The following PRKX variants were observed in gnomAD, a reference collection of about 807,000 sequenced individuals.
PRKX encodes the protein cAMP-dependent protein kinase catalytic subunit PRKX.
PRKX carries 12 observed loss-of-function variants against 22.0 expected under a neutral mutation model. That is an observed-to-expected ratio of 0.54 (90% CI 0.35 to 0.88). PRKX has a LOEUF of 0.88. Among genes scored for constraint, PRKX ranks in the 40% least tolerant of loss-of-function variants. PRKX has a pLI of 0.01. For missense variants in PRKX, 217 were observed against 308.0 expected (o/e 0.70, Z 2.21); for synonymous variants, 134 against 137.7 (o/e 0.97, Z 0.19).
intron 3 of PRKX, among the ~76,000 whole-genome samples, chrX:3,644,308 G>A (rs1313557647): frequency 4.0e-5 from 4 of 101,206 alleles, no homozygotes; most frequent in Non-Finnish European, 7.9e-5. Context: ...AGGCTGAGAT[G>A]GAAGGATCAC....
intron 5 of PRKX, among the ~76,000 whole-genome samples, chrX:3,623,450 GGAGGCTGAGGTGGGAGTGTCATTT>G (rs1408074667): frequency 3.6e-5 from 4 of 110,575 alleles, no homozygotes; most frequent in African/African-American, 1.3e-4. Context: ...CAGTTACTCG[GGAGGCTGAGGTGGGAGTGTCATTT>G]GAGCCCAGGA....
intron 1 of PRKX, among the ~76,000 whole-genome samples, chrX:3,691,504 T>G (rs376203774): frequency 1.6e-5 from 1 of 62,219 alleles, no homozygotes; most frequent in African/African-American, 6.1e-5. Flanking sequence ...CTTATAAAAT[T>G]CATTAATTCC....
chrX:3,625,095 T>C (rs368062319), intron 5 of PRKX, among the ~76,000 whole-genome samples: 31 of 111,887 alleles, frequency 2.8e-4, no homozygotes, highest in African/African-American at 1.0e-3. Flanking sequence ...TACCATTCAC[T>C]GGACAGGGTG....
chrX:3,688,097 C>T (rs1928213868), intron 1 of PRKX, among the ~76,000 whole-genome samples: 1 of 111,081 alleles, frequency 9.0e-6, no homozygotes, highest in Admixed American at 9.6e-5. Flanking sequence ...CACACCACTG[C>T]ACTCCAGCCT....
At chrX:3,646,304 AGAG>A (rs1927187242) in intron 3 of PRKX, among the ~76,000 whole-genome samples, 1 of 82,291 alleles carries the variant, frequency 1.2e-5, no homozygotes, top group Non-Finnish European at 2.4e-5. Flanking sequence ...AAAAAAAGAG[AGAG>A]AGACAGAGAG....
At chrX:3,713,047 G>A (rs1928825434) in intron 1 of PRKX, 41 bp downstream of exon 1, 1 of 1,131,158 alleles carries the variant, frequency 8.8e-7, no homozygotes, top group Non-Finnish European at 1.2e-6. Flanking sequence ...CGGCCACGCC[G>A]CGCGCCCCTG....
chrX:3,651,819 T>C (rs777460270), intron 3 of PRKX, among the ~76,000 whole-genome samples: 1 of 111,916 alleles, frequency 8.9e-6, no homozygotes, highest in Non-Finnish European at 1.9e-5. Context: ...CAGAAGCCGA[T>C]AGCCATGTGC....
rs1926179325 is a variant in PRKX, at chrX:3,606,584, A to C, written c.*2385T>G. 2 of 111,654 alleles carry C rather than the reference A, an allele frequency of 1.8e-5. No individual in the cohort carries two copies. The highest frequency in any genetic ancestry group is 9.5e-5 in the Admixed American group (1 of 10,518). The allele number at this position is 111,654 out of a possible 1,213,427, so 9.2% of individuals were successfully genotyped here. A position where few individuals can be genotyped will look rare whatever the true frequency, so the allele number is the denominator to read the frequency against. ...AGATGGGGGTTTTGCCATGTTGGCC[A>C]GGCTGGTCTCGAACTCCTGACCTCA... On this transcript the variant is annotated 3_prime_UTR_variant, in exon 9 of 9. Transcript: ENST00000262848.
At chrX:3,661,436 G>C (rs1378944422) in intron 2 of PRKX, among the ~76,000 whole-genome samples, 1 of 109,689 alleles carries the variant, frequency 9.1e-6, no homozygotes, top group Non-Finnish European at 1.9e-5. Context: ...GGGAGACTCT[G>C]TCTCTGCAAA....
intron 1 of PRKX, among the ~76,000 whole-genome samples, chrX:3,679,261 G>T (rs758406631): frequency 2.8e-5 from 3 of 105,364 alleles, no homozygotes; most frequent in Non-Finnish European, 5.9e-5. Flanking sequence ...TCCCATCTTT[G>T]TGTCCATGAA....
chrX:3,652,071 C>T (rs745501722), intron 3 of PRKX, among the ~76,000 whole-genome samples: 1 of 110,725 alleles, frequency 9.0e-6, no homozygotes. Context: ...AAGAACCATA[C>T]AACGGACTTC....
chrX:3,630,708 G>A (rs1380845512), intron 4 of PRKX, among the ~76,000 whole-genome samples: 1 of 111,350 alleles, frequency 9.0e-6, no homozygotes, highest in African/African-American at 3.3e-5. Flanking sequence ...CGAGCAAAGG[G>A]GGAAGTACTA....
chrX:3,654,258 T>C (rs1927428470), intron 3 of PRKX, among the ~76,000 whole-genome samples: 1 of 96,426 alleles, frequency 1.0e-5, no homozygotes, highest in African/African-American at 3.8e-5. Flanking sequence ...TATAGTATAA[T>C]ATATACTATA....
chrX:3,692,093 G>T (rs1928339335), intron 1 of PRKX, among the ~76,000 whole-genome samples: 1 of 101,593 alleles, frequency 9.8e-6, no homozygotes, highest in Non-Finnish European at 2.0e-5. Context: ...GTGGAGGGGG[G>T]AGGGAGGGAG....
At chrX:3,618,970 G>T (rs770227697) in intron 6 of PRKX, among the ~76,000 whole-genome samples, 5 of 112,178 alleles carry the variant, frequency 4.5e-5, no homozygotes, top group African/African-American at 1.6e-4. Context: ...GCTCCTCGGA[G>T]ACCTGAAGGT....
chrX:3,713,075 C>T lies in PRKX; in HGVS notation c.166+13G>A, dbSNP rs1345548154. On this transcript the variant is annotated intron_variant, in intron 1 of 8. Coordinates refer to ENST00000262848, the MANE Select transcript of PRKX (RefSeq NM_005044.5). ...CGCCCCTGTGGGCCGAGTCCCCGCC[C>T]GCACTCACTCACCCACGGTGGCCAG... 1.7e-6 allele frequency: 2 copies of T among 1,158,145 alleles called. No individual in the cohort carries two copies. The highest frequency in any genetic ancestry group is 3.4e-5 in the East Asian group (1 of 29,050).
chrX:3,704,215 C>T (rs1928637283), intron 1 of PRKX, among the ~76,000 whole-genome samples: 1 of 111,552 alleles, frequency 9.0e-6, no homozygotes, highest in Non-Finnish European at 1.9e-5. Context: ...ACAAGGGAAC[C>T]CTGGAAAAAA....
chrX:3,638,133 C>G (rs1926933347), intron 4 of PRKX, among the ~76,000 whole-genome samples: 1 of 111,297 alleles, frequency 9.0e-6, no homozygotes, highest in South Asian at 3.7e-4. Context: ...CTATTGTATT[C>G]TAATATATTT....
chrX:3,649,423 A>G (rs1453253538), intron 3 of PRKX, among the ~76,000 whole-genome samples: 1 of 102,268 alleles, frequency 9.8e-6, no homozygotes, highest in Non-Finnish European at 2.0e-5. Context: ...CAAAATATTT[A>G]CAATACAAAC....
Sources: gnomAD v4.1 joint callset for allele counts (sites outside exome capture counted in the v4.1 genomes callset) on GRCh38, gnomAD v4.1.1 for gene constraint, MANE v1.5 for transcripts, NCBI Gene and HGNC (gene_info 2026-07-23, HGNC 2026-07-21) for gene names.